The following AFF3 variants were observed in gnomAD, a reference collection of about 807,000 sequenced individuals.
AFF3 encodes ALF transcription elongation factor 3.
Under a neutral mutation model 129.7 loss-of-function variants are expected in AFF3, and 32 were observed. The ratio of observed to expected loss-of-function variants is 0.25; its 90% CI spans 0.19 to 0.33. The LOEUF (loss-of-function observed/expected upper bound fraction) is 0.33, where lower values mean the gene tolerates loss of function less well. Ranked by LOEUF, AFF3 falls within the 10% of genes least tolerant of loss-of-function variation. AFF3 has a pLI of 1.00. For missense variants in AFF3, 1,373 were observed against 1,592.0 expected, an observed-to-expected ratio of 0.86 and a Z score of 2.34; for synonymous variants, 644 against 635.4, an observed-to-expected ratio of 1.01 and a Z score of -0.20.
At chr2:99,582,742 T>TG in intron 17 of AFF3, 56 bp downstream of exon 17, 1 of 1,573,550 alleles carries the variant, frequency 6.4e-7, no homozygotes, top group Non-Finnish European at 8.7e-7. Context: ...AGACAGAGCT[T>TG]GGGGGTGCTC....
At chr2:99,638,271 G>A (rs1683851394) in intron 13 of AFF3, among the ~76,000 whole-genome samples, 1 of 152,082 alleles carries the variant, frequency 6.6e-6, no homozygotes, top group Non-Finnish European at 1.5e-5. Flanking sequence ...TGTTGGCCAG[G>A]CTGGTCTCAA....
intron 1 of AFF3, among the ~76,000 whole-genome samples, chr2:100,133,164 G>C (rs1019186868): frequency 1.3e-5 from 2 of 151,642 alleles, no homozygotes; most frequent in African/African-American, 2.4e-5. Context: ...ACTTTAGGAG[G>C]TTGAGGTGGG....
At chr2:99,933,193 T>C (rs1214762024) in intron 7 of AFF3, among the ~76,000 whole-genome samples, 2 of 152,174 alleles carry the variant, frequency 1.3e-5, no homozygotes, top group African/African-American at 4.8e-5. Context: ...TTGAATTCTA[T>C]GAGATCTCTT....
intron 12 of AFF3, among the ~76,000 whole-genome samples, chr2:99,655,922 T>C (rs1231639442): frequency 6.6e-6 from 1 of 152,094 alleles, no homozygotes; most frequent in Non-Finnish European, 1.5e-5. Flanking sequence ...GAAGGTCTGA[T>C]TGAGGGAACA....
At chr2:99,685,083 T>A (rs1297962510) in intron 11 of AFF3, among the ~76,000 whole-genome samples, 2 of 151,824 alleles carry the variant, frequency 1.3e-5, no homozygotes, top group Non-Finnish European at 2.9e-5. Flanking sequence ...GGATTACAGG[T>A]GCCCGCCACC....
In AFF3 at chr2:99,995,662, A is replaced by G. The variant is rs183511972; in HGVS notation, c.873+10970T>C. 7.2e-5 allele frequency among the ~76,000 whole-genome samples: 11 copies of G among 152,218 alleles called. No individual in the cohort carries two copies. The East Asian group carries it at 2.1e-3, about 29-fold the overall frequency. On this transcript the variant is annotated intron_variant, in intron 7 of 24. Coordinates refer to ENST00000672756, the MANE Select transcript of AFF3 (RefSeq NM_001386135.1). ...GCTGGGATTACACCACGCCTGGCCC[A>G]TCTATTTCTTTTATAGTGTCCTATG...
chr2:99,689,068 T>C (rs1336808936), intron 11 of AFF3, among the ~76,000 whole-genome samples: 1 of 152,146 alleles, frequency 6.6e-6, no homozygotes, highest in Non-Finnish European at 1.5e-5. Context: ...GCAGTGTCCA[T>C]CTTATTTCTC....
intron 13 of AFF3, among the ~76,000 whole-genome samples, chr2:99,643,451 G>A (rs577642580): frequency 4.6e-5 from 7 of 152,230 alleles, no homozygotes; most frequent in South Asian, 2.1e-4. Flanking sequence ...CTGCCAGCAC[G>A]CCACCATAAC....
At chr2:99,723,450 A>G (rs1361472213) in intron 11 of AFF3, among the ~76,000 whole-genome samples, 4 of 152,220 alleles carry the variant, frequency 2.6e-5, no homozygotes, top group Non-Finnish European at 5.9e-5. Context: ...ATACAGACAG[A>G]GGGATGTATA....
At chr2:100,001,488 G>A (rs1178132519) in intron 7 of AFF3, among the ~76,000 whole-genome samples, 1 of 152,208 alleles carries the variant, frequency 6.6e-6, no homozygotes, top group Non-Finnish European at 1.5e-5. Flanking sequence ...GACTGCAGTG[G>A]CATGATCTCG....
chr2:99,892,135 T>G (rs1693615097), intron 7 of AFF3, among the ~76,000 whole-genome samples: 1 of 152,210 alleles, frequency 6.6e-6, no homozygotes, highest in Non-Finnish European at 1.5e-5. Context: ...GCCCACCAGC[T>G]TTTGAAGGTC....
At chr2:99,576,838 G>C (rs950575010) in intron 18 of AFF3, among the ~76,000 whole-genome samples, 4 of 152,118 alleles carry the variant, frequency 2.6e-5, no homozygotes, top group Non-Finnish European at 5.9e-5. Flanking sequence ...AAGTTCACAT[G>C]AACAATTTAT....
intron 9 of AFF3, among the ~76,000 whole-genome samples, chr2:99,748,590 C>A (rs1328124555): frequency 2.6e-5 from 4 of 152,138 alleles, no homozygotes; most frequent in Admixed American, 2.6e-4. Context: ...CTGTTTCCTG[C>A]CTGGCAAATT....
intron 4 of AFF3, among the ~76,000 whole-genome samples, chr2:100,100,526 T>G (rs903521190): frequency 2.0e-5 from 3 of 152,210 alleles, no homozygotes; most frequent in African/African-American, 7.2e-5. Flanking sequence ...TTTAACTCAA[T>G]TTTTCCTCTT....
intron 18 of AFF3, among the ~76,000 whole-genome samples, chr2:99,576,605 A>G (rs1677023801): frequency 6.6e-6 from 1 of 151,578 alleles, no homozygotes; most frequent in Non-Finnish European, 1.5e-5. Context: ...TTTCTGGTTC[A>G]TACACTGGAA....
At chr2:100,008,953 GAGAACAACCACACACACAAA>G in intron 4 of AFF3, 21 bp from the exon 5 acceptor site, 1 of 1,612,738 alleles carries the variant, frequency 6.2e-7, no homozygotes, top group South Asian at 1.1e-5. Flanking sequence ...AAAAAGAAGA[GAGAACAACCACACACACAAA>G]TTAAACTGTA....
chr2:99,596,015 G>A (rs1010346561), intron 14 of AFF3, among the ~76,000 whole-genome samples: 2 of 152,366 alleles, frequency 1.3e-5, no homozygotes, highest in Middle Eastern at 3.4e-3. Flanking sequence ...CCTGGGCTGT[G>A]AGGATGCGGA....
intron 4 of AFF3, among the ~76,000 whole-genome samples, chr2:100,023,012 C>T (rs1683725776): frequency 6.6e-6 from 1 of 152,240 alleles, no homozygotes; most frequent in Admixed American, 6.5e-5. Context: ...AGCAGGCCTC[C>T]ATTCTGTGGG....
At chr2:99,867,083 A>G (rs992426380) in intron 7 of AFF3, among the ~76,000 whole-genome samples, 4 of 151,920 alleles carry the variant, frequency 2.6e-5, no homozygotes, top group African/African-American at 9.7e-5. Context: ...CTGCCTCACA[A>G]GAAAGGGGAT....
Sources: allele counts gnomAD v4.1 joint callset (sites outside exome capture counted in the v4.1 genomes callset), GRCh38; gene constraint gnomAD v4.1.1; transcripts MANE v1.5; gene names NCBI Gene and HGNC (gene_info 2026-07-23, HGNC 2026-07-21).